The following KLHL23 variants were observed in gnomAD, a reference collection of about 807,000 sequenced individuals.
The protein encoded by KLHL23 is kelch like family member 23.
Under a neutral mutation model 48.9 loss-of-function variants are expected in KLHL23, and 33 were observed. That is an observed-to-expected ratio of 0.67 (90% CI 0.51 to 0.90). KLHL23 has a LOEUF of 0.90. Ranked by LOEUF, KLHL23 falls within the 40% of genes least tolerant of loss-of-function variation. The probability of loss-of-function intolerance (pLI) is 0.00; values close to 1 mark genes in which losing one functional copy is unlikely to be tolerated. For missense variants in KLHL23, 608 were observed against 669.6 expected, an observed-to-expected ratio of 0.91 and a Z score of 1.02; for synonymous variants, 234 against 231.6, an observed-to-expected ratio of 1.01 and a Z score of -0.09.
Position 169,735,705 on chromosome 2 carries a change from G to C in KLHL23, c.691G>C (p.Asp231His), listed in dbSNP as rs1450537943. 5 of 1,613,986 alleles carry C rather than the reference G, an allele frequency of 3.1e-6. No homozygotes were observed. In the Middle Eastern group the frequency reaches 6.6e-4, roughly 213 times the overall value. ...ACTGAGCTATATCAACATTGATATA[G>C]ATCCAGTGTACTTAAAAACAGCCTT... ...NLLSYINIDI[D>H]PVYLKTALGL... is the part of the protein sequence containing the mutation. Residue 231 changes from aspartate (D) to histidine (H), a missense_variant, in exon 2 of 4, where the codon GAT (aspartate) becomes CAT (histidine). Physicochemically the swap from Asp to His is moderately conservative, Grantham distance 81 (BLOSUM62 -1). Transcript: ENST00000392647. This position sits in a 1 kb window ranked among gnomAD's most constrained non-coding sequence, Gnocchi z 4.5.
chr2:169,749,938 C>CGTATGTATGTAT lies in KLHL23; in HGVS notation c.*206_*207insGTATGTATGTAT, dbSNP rs1558952053. 120 of 200,990 alleles carry CGTATGTATGTAT rather than the reference C, an allele frequency of 6.0e-4. 15 individuals carry two copies. The highest frequency in any genetic ancestry group is 5.4e-3 in the African/African-American group (113 of 20,782). 12.5% of individuals were successfully genotyped at this position (200,990 alleles called of 1,614,324 possible). ...TTATATATATATATATATACACACACACATATATGTGTTCATATATATGTA... is the reference window on the plus strand; with the variant it reads ...TTATATATATATATATATACACACACGTATGTATGTATACATATATGTGTTCATATATATGTA... On this transcript the variant is annotated 3_prime_UTR_variant, in exon 4 of 4. Transcript: ENST00000392647.
At chr2:169,742,289 C>T (rs1455059291) in intron 3 of KLHL23, among the ~76,000 whole-genome samples, 2 of 152,212 alleles carry the variant, frequency 1.3e-5, no homozygotes, top group African/African-American at 2.4e-5. Context: ...TGGAAATTCA[C>T]AAGCTGGAAC....
At chr2:169,746,844 G>A (rs543604929) in intron 3 of KLHL23, among the ~76,000 whole-genome samples, 3 of 152,260 alleles carry the variant, frequency 2.0e-5, no homozygotes, top group East Asian at 3.9e-4. Flanking sequence ...TTTACCAACT[G>A]ATAAAATATT....
intron 2 of KLHL23, among the ~76,000 whole-genome samples, chr2:169,740,281 T>G (rs1000177785): frequency 1.3e-5 from 2 of 151,694 alleles, no homozygotes; most frequent in African/African-American, 2.4e-5. Context: ...CGTGGCTACT[T>G]TTTTATTTTT....
chr2:169,744,685 A>C (rs1025787806), intron 3 of KLHL23, among the ~76,000 whole-genome samples: 8 of 151,886 alleles, frequency 5.3e-5, no homozygotes, highest in African/African-American at 1.9e-4. Context: ...CAACGTCCCA[A>C]GTAGCTGAGA....
rs1688958151 is a variant in KLHL23, at chr2:169,751,005, A to C, written c.*1273A>C. ...GCCAGTAACTAGATTTTGTGACTTA[A>C]GTCATTTAACCTCTCCTTGATTAGA... On this transcript the variant is annotated 3_prime_UTR_variant, in exon 4 of 4. Transcript: ENST00000392647. The C allele has an allele frequency of 6.6e-6, 1 of 152,246 alleles. No individual in the cohort carries two copies. The highest frequency in any genetic ancestry group is 1.5e-5 in the Non-Finnish European group (1 of 68,052). The allele number at this position is 152,246 out of a possible 1,614,324, so 9.4% of individuals were successfully genotyped here. A position where few individuals can be genotyped will look rare whatever the true frequency, so the allele number is the denominator to read the frequency against.
chr2:169,738,974 TTCCCCTCCCCCTCCCCCTCCTCCC>T (rs1688602922), intron 2 of KLHL23, among the ~76,000 whole-genome samples: 1 of 1,706 alleles, frequency 5.9e-4, no homozygotes. Flanking sequence ...CTCCTCCCCC[TTCCCCTCCCCCTCCCCCTCCTCCC>T]CTTCCCCTCC....
chr2:169,748,488 C>T (rs13023285), intron 3 of KLHL23, among the ~76,000 whole-genome samples: 146,645 of 152,260 alleles, frequency 0.96, 70,730 homozygotes, highest in East Asian at 1. Flanking sequence ...CTAGGAGTGA[C>T]GATAAAAGCG....
chr2:169,736,105 C>T lies in KLHL23; in HGVS notation c.1091C>T (p.Ala364Val). 1.9e-6 allele frequency: 3 copies of T among 1,614,180 alleles called. No individual in the cohort carries two copies. In the South Asian group the frequency reaches 3.3e-5, roughly 18 times the overall value. ...CTCAATGCCAGGTATTACCACTGTGCAGTCACCTTGGGTGGCTGTGTCTAT... is the reference window on the plus strand; with the variant it reads ...CTCAATGCCAGGTATTACCACTGTGTAGTCACCTTGGGTGGCTGTGTCTAT... ...PMLNARYYHCAVTLGGCVYAL... is the reference protein window; with the variant it reads ...PMLNARYYHCVVTLGGCVYAL... The change falls in exon 2 of 4, where the codon GCA becomes GTA. Residue 364 changes from alanine (A) to valine (V), a missense_variant. Around this residue, in one of 3 missense-constraint regions of KLHL23, gnomAD observed 419 missense variants for 473.1 expected, o/e 0.89. Transcript: ENST00000392647.
intron 2 of KLHL23, among the ~76,000 whole-genome samples, chr2:169,738,608 T>C (rs1034193239): frequency 1.3e-5 from 2 of 152,254 alleles, no homozygotes; most frequent in African/African-American, 2.4e-5. Context: ...AAATAAATAC[T>C]TGGCTGTTTA....
Position 169,735,235 on chromosome 2 carries a change from T to A in KLHL23, c.221T>A (p.Phe74Tyr). ...TTCACAGCTGACATGAAAGAAAAAT[T>A]TAAAAATAAAATAAAACTCTCTGGC... ...AMFTADMKEK[F>Y]KNKIKLSGIH... The change falls in exon 2 of 4, where the codon TTT becomes TAT. Residue 74 changes from phenylalanine to tyrosine, a missense_variant. Phe to Tyr is a conservative substitution (Grantham distance 22). This residue lies in a region of KLHL23 where 419 missense variants were observed against 473.1 expected (regional missense o/e 0.89). Coordinates refer to ENST00000392647, the MANE Select transcript of KLHL23 (RefSeq NM_144711.6). The surrounding 1 kb of genome is among the most constrained non-coding windows in gnomAD (Gnocchi z 4.5). 1 of 1,603,186 alleles carries A rather than the reference T, an allele frequency of 6.2e-7. No individual in the cohort carries two copies.
chr2:169,742,434 G>A (rs1688697963), intron 3 of KLHL23, among the ~76,000 whole-genome samples: 1 of 152,212 alleles, frequency 6.6e-6, no homozygotes, highest in East Asian at 1.9e-4. Flanking sequence ...TGGAAATGGA[G>A]GCTTAGAAAC....
intron 3 of KLHL23, among the ~76,000 whole-genome samples, chr2:169,742,948 C>G (rs1558948695): frequency 6.6e-6 from 1 of 152,158 alleles, no homozygotes; most frequent in Non-Finnish European, 1.5e-5. Context: ...CAAAATAATT[C>G]CATGAGCTAG....
intron 1 of KLHL23, among the ~76,000 whole-genome samples, chr2:169,734,322 G>C (rs1055533805): frequency 4.1e-5 from 6 of 147,698 alleles, no homozygotes; most frequent in African/African-American, 1.5e-4. Flanking sequence ...AGGGACGCGG[G>C]CACCGGGCCC....
intron 3 of KLHL23, among the ~76,000 whole-genome samples, chr2:169,747,519 C>T (rs1356533201): frequency 7.1e-6 from 1 of 141,214 alleles, no homozygotes; most frequent in Non-Finnish European, 1.5e-5. Flanking sequence ...CCAGACTAGC[C>T]TTGAAGTCCT....
At chr2:169,746,369 C>G (rs991365785) in intron 3 of KLHL23, among the ~76,000 whole-genome samples, 27 of 152,324 alleles carry the variant, frequency 1.8e-4, no homozygotes, top group African/African-American at 6.5e-4. Flanking sequence ...GCTGTTTGTT[C>G]ATATCACTCA....
chr2:169,742,741 G>A (rs1688705882), intron 3 of KLHL23, among the ~76,000 whole-genome samples: 1 of 152,188 alleles, frequency 6.6e-6, no homozygotes, highest in Non-Finnish European at 1.5e-5. Context: ...AGACACCATG[G>A]AATGGGTAAA....
chr2:169,750,557 T>TAA lies in KLHL23; in HGVS notation c.*826_*827dup, dbSNP rs949028763. On this transcript the variant is annotated 3_prime_UTR_variant, in exon 4 of 4. Transcript: ENST00000392647. ...TCTCTACCTCTACAAAATCAACCCT[T>TAA]AACACTTTTTTCACCTTCAGAATTA... 1 of 152,086 alleles carries TAA rather than the reference T, an allele frequency of 6.6e-6. No individual in the cohort carries two copies. Among genetic ancestry groups the TAA allele is most frequent in the African/African-American group, 2.4e-5 (1 of 41,414 alleles). 9.4% of individuals were successfully genotyped at this position (152,086 alleles called of 1,614,324 possible).
rs150952509 is a variant in KLHL23, at chr2:169,747,667, C to T, written c.1367-1755C>T. On this transcript the variant is annotated intron_variant, in intron 3 of 3. Transcript: ENST00000392647. ...GGCTTGCTTATAAGCTTTCCTTCTACGTTATAATGTGAGGACACATTGGGA... is the reference window on the plus strand; with the variant it reads ...GGCTTGCTTATAAGCTTTCCTTCTATGTTATAATGTGAGGACACATTGGGA... Among the ~76,000 whole-genome samples, 63 of 152,014 alleles carry T rather than the reference C, an allele frequency of 4.1e-4. No homozygotes were observed. The East Asian group carries it at 6.8e-3, about 16-fold the overall frequency.
Sources: allele counts gnomAD v4.1 joint callset (sites outside exome capture counted in the v4.1 genomes callset), GRCh38; gene constraint gnomAD v4.1.1; regional missense constraint gnomAD v4.1.1; non-coding constraint Gnocchi (gnomAD v3.1); transcripts MANE v1.5; gene names NCBI Gene and HGNC (gene_info 2026-07-23, HGNC 2026-07-21).